Variants in DRAM1 observed in about 807,000 individuals in gnomAD.
DRAM1 encodes DNA damage regulated autophagy modulator 1.
DRAM1 carries 25 observed loss-of-function variants against 28.5 expected under a neutral mutation model. The ratio of observed to expected loss-of-function variants is 0.88; its 90% CI spans 0.64 to 1.23. The LOEUF is 1.23. Among genes scored for constraint, DRAM1 ranks in the 50% most tolerant of loss-of-function variants. The pLI is 0.00. For missense variants in DRAM1, 249 were observed against 299.2 expected, an observed-to-expected ratio of 0.83 and a Z score of 1.24; for synonymous variants, 113 against 114.2, an observed-to-expected ratio of 0.99 and a Z score of 0.07.
chr12:101,917,851 A>T (rs1234265534), intron 5 of DRAM1, among the ~76,000 whole-genome samples: 1 of 152,158 alleles, frequency 6.6e-6, no homozygotes, highest in Non-Finnish European at 1.5e-5. Context: ...TCCGTTGGAG[A>T]GAACCTCTTT....
intron 2 of DRAM1, 29 bp downstream of exon 2, chr12:101,897,959 T>TTATTG: frequency 7.5e-7 from 1 of 1,341,388 alleles, no homozygotes; most frequent in Non-Finnish European, 1.0e-6. Context: ...TTATAAATAA[T>TTATTG]TGAAAAGCTC....
Position 101,922,583 on chromosome 12 carries a change from A to C in DRAM1, c.*1323A>C, listed in dbSNP as rs1594317004. On this transcript the variant is annotated 3_prime_UTR_variant, in exon 7 of 7. Coordinates refer to ENST00000258534, the MANE Select transcript of DRAM1 (RefSeq NM_018370.3). ...AAAGGGGTGAGGCTCAGTGGCAGGTACCTCTGCAATGACAAGCTGCCTCCC... is the reference window on the plus strand; with the variant it reads ...AAAGGGGTGAGGCTCAGTGGCAGGTCCCTCTGCAATGACAAGCTGCCTCCC... 1 of 152,176 alleles carries C rather than the reference A, an allele frequency of 6.6e-6. No individual in the cohort carries two copies. The highest frequency in any genetic ancestry group is 1.5e-5 in the Non-Finnish European group (1 of 68,046). 9.4% of individuals were successfully genotyped at this position (152,176 alleles called of 1,614,324 possible).
rs1378616667 is a variant in DRAM1 at position 101,921,299 on chromosome 12, G to A, written c.*39G>A. On this transcript the variant is annotated 3_prime_UTR_variant, in exon 7 of 7. Coordinates refer to ENST00000258534, the MANE Select transcript of DRAM1 (RefSeq NM_018370.3). ...CAGTCTCACTCAGTGAATGTCGCAG[G>A]CCATTTCTAAAAGTGCTACAGAGGA... is the stretch of plus-strand genomic sequence containing the variant. The A allele has an allele frequency of 6.4e-7, 1 of 1,570,122 alleles. No homozygotes were observed. Among genetic ancestry groups the A allele is most frequent in the East Asian group, 2.2e-5 (1 of 44,632 alleles).
In DRAM1 at chr12:101,897,887, G is replaced by A. The variant is rs774592854; in HGVS notation, c.156G>A (p.Glu52=). The change falls in exon 2 of 7, where the codon GAG becomes GAA. Residue 52 remains glutamate (E), a synonymous_variant. Coordinates refer to ENST00000258534, the MANE Select transcript of DRAM1 (RefSeq NM_018370.3). ...YISDTGTTPP[E]SGIFGFMINF... ...GTGATACGGGAACAACACCTCCAGA[G>A]AGTGGTATTTTTGGATTTATGATAA... 1 of 1,610,750 alleles carries A rather than the reference G, an allele frequency of 6.2e-7. No homozygotes were observed. Among genetic ancestry groups the A allele is most frequent in the South Asian group, 1.1e-5 (1 of 90,818 alleles).
intron 5 of DRAM1, among the ~76,000 whole-genome samples, chr12:101,919,521 A>G (rs1406689038): frequency 6.6e-6 from 1 of 152,224 alleles, no homozygotes; most frequent in Admixed American, 6.5e-5. Context: ...TCTTGCCTCC[A>G]AGAAGATATA....
chr12:101,884,106 C>T (rs1228387465), intron 1 of DRAM1, among the ~76,000 whole-genome samples: 2 of 151,604 alleles, frequency 1.3e-5, no homozygotes, highest in Admixed American at 1.3e-4. Flanking sequence ...TAGATTTGCA[C>T]TCGGGTGTGG....
intron 3 of DRAM1, among the ~76,000 whole-genome samples, chr12:101,907,421 A>T (rs1873862383): frequency 6.6e-6 from 1 of 151,776 alleles, no homozygotes; most frequent in Non-Finnish European, 1.5e-5. Context: ...AAGTTTATTG[A>T]TGACATCAAA....
At chr12:101,883,605 C>T (rs1048076877) in intron 1 of DRAM1, among the ~76,000 whole-genome samples, 10 of 150,234 alleles carry the variant, frequency 6.7e-5, no homozygotes, top group East Asian at 2.0e-4. Context: ...TGAGCCACTG[C>T]GCCCCGCATG....
intron 1 of DRAM1, among the ~76,000 whole-genome samples, chr12:101,886,038 A>G (rs1872876788): frequency 6.6e-6 from 1 of 152,158 alleles, no homozygotes; most frequent in Non-Finnish European, 1.5e-5. Flanking sequence ...TAACCTTGTT[A>G]GTTTCCTCCT....
At chr12:101,920,407 C>A (rs1041842391) in intron 6 of DRAM1, among the ~76,000 whole-genome samples, 5 of 146,318 alleles carry the variant, frequency 3.4e-5, no homozygotes, top group African/African-American at 1.3e-4. Flanking sequence ...TTCTTTTTAT[C>A]CTTAATGTGT....
At chr12:101,897,053 C>T (rs1329899048) in intron 1 of DRAM1, among the ~76,000 whole-genome samples, 1 of 152,054 alleles carries the variant, frequency 6.6e-6, no homozygotes, top group Non-Finnish European at 1.5e-5. Flanking sequence ...TCCCAAAGTG[C>T]TGGGATTACA....
At chr12:101,891,679 C>G (rs974353055) in intron 1 of DRAM1, among the ~76,000 whole-genome samples, 2 of 152,236 alleles carry the variant, frequency 1.3e-5, no homozygotes, top group Non-Finnish European at 2.9e-5. Context: ...GCCTCAACAG[C>G]TTCTGAACCA....
At chr12:101,895,943 A>G (rs1459145029) in intron 1 of DRAM1, among the ~76,000 whole-genome samples, 1 of 145,658 alleles carries the variant, frequency 6.9e-6, no homozygotes, top group Admixed American at 6.9e-5. Context: ...CTGGAGTGCA[A>G]TGGCGCAATC....
intron 1 of DRAM1, 147 bp from the exon 2 acceptor site, chr12:101,897,711 ATACTT>A: frequency 1.6e-6 from 1 of 616,376 alleles, no homozygotes; most frequent in Admixed American, 3.2e-5. Context: ...CAAAATGAAA[ATACTT>A]TAGAACAAAA....
At chr12:101,896,939 C>T (rs969829577) in intron 1 of DRAM1, among the ~76,000 whole-genome samples, 1 of 151,832 alleles carries the variant, frequency 6.6e-6, no homozygotes, top group African/African-American at 2.4e-5. Flanking sequence ...AGGCATGTGC[C>T]ACCATGGCCG....
At chr12:101,887,084 G>A (rs2121026637) in intron 1 of DRAM1, among the ~76,000 whole-genome samples, 1 of 150,588 alleles carries the variant, frequency 6.6e-6, no homozygotes, top group Admixed American at 6.6e-5. Flanking sequence ...GGCAGATGTT[G>A]CTGTGAGCTG....
chr12:101,902,388 T>C (rs10778158), intron 3 of DRAM1, among the ~76,000 whole-genome samples: 1 of 151,896 alleles, frequency 6.6e-6, no homozygotes. Context: ...GTCATCTTCC[T>C]AGAGCCTGTG....
chr12:101,900,454 A>G (rs1296157396), intron 2 of DRAM1, among the ~76,000 whole-genome samples: 2 of 152,226 alleles, frequency 1.3e-5, no homozygotes, highest in African/African-American at 4.8e-5. Flanking sequence ...ATAATAGACT[A>G]ATGGACATAA....
intron 5 of DRAM1, among the ~76,000 whole-genome samples, chr12:101,917,144 C>T (rs1171273886): frequency 6.6e-6 from 1 of 152,184 alleles, no homozygotes; most frequent in Admixed American, 6.5e-5. Flanking sequence ...TTCAGTAAAA[C>T]GCCGAGGTTA....
Sources: allele counts gnomAD v4.1 joint callset (sites outside exome capture counted in the v4.1 genomes callset), GRCh38; gene constraint gnomAD v4.1.1; transcripts MANE v1.5; gene names NCBI Gene and HGNC (gene_info 2026-07-23, HGNC 2026-07-21).